SIGLEC1: variants seen among roughly 807,000 people sequenced by gnomAD.
SIGLEC1 encodes the protein sialic acid binding Ig like lectin 1.
A neutral mutation model predicts 148.0 loss-of-function variants in SIGLEC1; 132 were observed. The ratio of observed to expected loss-of-function variants is 0.89; its 90% confidence interval spans 0.77 to 1.03. The LOEUF is 1.03. Among genes scored for constraint, SIGLEC1 ranks in the 50% least tolerant of loss-of-function variants. The probability of loss-of-function intolerance (pLI) is 0.00; values close to 1 mark genes in which losing one functional copy is unlikely to be tolerated. For missense variants in SIGLEC1, 2,253 were observed against 2,271.4 expected (o/e 0.99, Z 0.16); for synonymous variants, 945 against 969.0 (o/e 0.98, Z 0.46).
At chr20:3,697,385 C>G (rs1289586100) in intron 9 of SIGLEC1, 43 bp from the exon 10 acceptor site, 1 of 1,607,486 alleles carries the variant, frequency 6.2e-7, no homozygotes, top group South Asian at 1.1e-5. Context: ...CCCCGGCCCC[C>G]AGGAGCCAGG....
At chr20:3,689,900 T>G in intron 19 of SIGLEC1, 62 bp downstream of exon 19, 3 of 1,427,864 alleles carry the variant, frequency 2.1e-6, no homozygotes, top group Non-Finnish European at 2.9e-6. Flanking sequence ...AAGGAAGCCT[T>G]TGGGCCTAAG....
At position 3,693,700 on chromosome 20, in the gene SIGLEC1, T is replaced by C. The variant is rs1408225715; in HGVS notation, c.3257-2A>G. 1 of 1,572,084 alleles carries C rather than the reference T, an allele frequency of 6.4e-7. No homozygotes were observed. The highest frequency in any genetic ancestry group is 8.7e-7 in the Non-Finnish European group (1 of 1,155,938). On this transcript the variant is annotated splice_acceptor_variant, in intron 13 of 21. Coordinates refer to ENST00000344754, the MANE Select transcript of SIGLEC1 (RefSeq NM_023068.4). LOFTEE classifies it high-confidence loss of function. Reference sequence around the variant, plus strand: ...CGGGCCACACCTGCACATTCACAGCTGGGGAGAGGGAGGGCACAGGACACC... The same window carrying C: ...CGGGCCACACCTGCACATTCACAGCCGGGGAGAGGGAGGGCACAGGACACC...
chr20:3,697,962 C>T lies in SIGLEC1; in HGVS notation c.1958G>A (p.Cys653Tyr). 1 of 1,612,002 alleles carries T rather than the reference C, an allele frequency of 6.2e-7. No individual in the cohort carries two copies. Among genetic ancestry groups the T allele is most frequent in the East Asian group, 2.2e-5 (1 of 44,864 alleles). ...VATSLPSGGGCSTCGGCSPRM... is the reference protein window; with the variant it reads ...VATSLPSGGGYSTCGGCSPRM... Reference sequence around the variant, plus strand: ...TGGGGAACAGCCCCCACAGGTGCTGCAGCCACCCCCTGATGGCAGGGAAGT... The same window carrying T: ...TGGGGAACAGCCCCCACAGGTGCTGTAGCCACCCCCTGATGGCAGGGAAGT... Residue 653 changes from cysteine to tyrosine, a missense_variant, in exon 9 of 22, where the codon TGC (cysteine) becomes TAC (tyrosine). Coordinates refer to ENST00000344754, the MANE Select transcript of SIGLEC1 (RefSeq NM_023068.4).
Position 3,698,067 on chromosome 20 carries a change from C to T in SIGLEC1, c.1853G>A (p.Arg618Gln), listed in dbSNP as rs752373927. ...CACACGGCACAAAAGGAGGCCTCGC[C>T]GTCCAGCCCCGGCCCCAGCGGCATC... is the stretch of plus-strand genomic sequence containing the variant. The part of the protein sequence containing the change: ...DLDAAGAGAG[R>Q]RGLLLCRVDS... The change falls in exon 9 of 22, where the codon CGG becomes CAG. Residue 618 changes from arginine to glutamine, a missense_variant. Arg to Gln is a conservative substitution (Grantham distance 43). Transcript: ENST00000344754. 9.3e-6 allele frequency: 15 copies of T among 1,604,508 alleles called. No individual in the cohort carries two copies. Among genetic ancestry groups the T allele is most frequent in the South Asian group, 4.5e-5 (4 of 89,744 alleles).
In SIGLEC1 at chr20:3,691,532, G is replaced by A; in HGVS notation, c.4399C>T (p.Leu1467Phe). ...CCCACAGGCCCAGGGCCACCCAGGA[G>A]GCGGCAGCTGAGGTTCAGGGCAGCG... is the stretch of plus-strand genomic sequence containing the variant. ...EGAALNLSCR[L>F]LGGPGPVGNS... Residue 1467 changes from leucine (L) to phenylalanine (F), a missense_variant, in exon 18 of 22, where the codon CTC becomes TTC. Coordinates refer to ENST00000344754, the MANE Select transcript of SIGLEC1 (RefSeq NM_023068.4). The A allele has an allele frequency of 1.2e-6, 2 of 1,613,234 alleles. No homozygotes were observed. Among genetic ancestry groups the A allele is most frequent in the Non-Finnish European group, 8.5e-7 (1 of 1,180,002 alleles).
At chr20:3,700,697 C>CTTTT (rs71195856) in intron 7 of SIGLEC1, among the ~76,000 whole-genome samples, 3 of 119,886 alleles carry the variant, frequency 2.5e-5, no homozygotes, top group Non-Finnish European at 3.4e-5. Context: ...TTTTCTTTTT[C>CTTTT]TTTTTTTTTT....
rs940099745 is a variant in SIGLEC1 at position 3,688,204 on chromosome 20, T to C, written c.*356A>G. On this transcript the variant is annotated 3_prime_UTR_variant, in exon 22 of 22. Coordinates refer to ENST00000344754, the MANE Select transcript of SIGLEC1 (RefSeq NM_023068.4). ...GAATGCCTTGGTGAGCCTCTGAGGA[T>C]GCAGGATGCTGCAATCCAACCAAAG... 3 of 349,348 alleles carry C rather than the reference T, an allele frequency of 8.6e-6. No homozygotes were observed. The highest frequency in any genetic ancestry group is 1.6e-5 in the Non-Finnish European group (3 of 182,034). 21.6% of individuals were successfully genotyped at this position (349,348 alleles called of 1,614,324 possible). A position where few individuals can be genotyped will look rare whatever the true frequency, so the allele number is the denominator to read the frequency against.
chr20:3,706,247 G>A (rs1207081396), intron 3 of SIGLEC1, 100 bp downstream of exon 3: 3 of 1,476,372 alleles, frequency 2.0e-6, no homozygotes, highest in African/African-American at 1.4e-5. Flanking sequence ...GAGACTGGCT[G>A]GGGTTAGATT....
At chr20:3,693,875 G>C (rs948584537) in intron 13 of SIGLEC1, among the ~76,000 whole-genome samples, 177 bp from the exon 14 acceptor site, 2 of 152,166 alleles carry the variant, frequency 1.3e-5, no homozygotes, top group Non-Finnish European at 2.9e-5. Context: ...TAGCCCACTG[G>C]CTCCTGAGTG....
At chr20:3,697,478 A>C (rs2087812627) in intron 9 of SIGLEC1, 136 bp from the exon 10 acceptor site, 50 of 1,093,112 alleles carry the variant, frequency 4.6e-5, no homozygotes, top group African/African-American at 6.3e-5. Flanking sequence ...AAGCTAGCTC[A>C]CAGGGCAGCC....
At chr20:3,705,282 C>A (rs2087884028) in intron 4 of SIGLEC1, among the ~76,000 whole-genome samples, 1 of 152,220 alleles carries the variant, frequency 6.6e-6, no homozygotes, top group Non-Finnish European at 1.5e-5. Flanking sequence ...CAGGCATAAG[C>A]CACCGCGCCC....
chr20:3,704,154 C>G, intron 4 of SIGLEC1, 63 bp from the exon 5 acceptor site: 4 of 1,472,006 alleles, frequency 2.7e-6, no homozygotes, highest in Non-Finnish European at 3.7e-6. Flanking sequence ...TGGCACACTT[C>G]TTCTTGCCCC....
In SIGLEC1 at chr20:3,698,098, C is replaced by T; in HGVS notation, c.1822G>A (p.Asp608Asn). The change falls in exon 9 of 22, where the codon GAC becomes AAC. Residue 608 changes from aspartate to asparagine, a missense_variant. Physicochemically the swap from Asp to Asn is conservative, Grantham distance 23. Coordinates refer to ENST00000344754, the MANE Select transcript of SIGLEC1 (RefSeq NM_023068.4). ...PRQPTFTTRL[D>N]LDAAGAGAGR... ...GCCCCGGCCCCAGCGGCATCAAGGTCCAGCCTGGTGGTGAATGTTGGTTGT... is the reference window on the plus strand; with the variant it reads ...GCCCCGGCCCCAGCGGCATCAAGGTTCAGCCTGGTGGTGAATGTTGGTTGT... The T allele has an allele frequency of 1.2e-6, 2 of 1,606,214 alleles. No homozygotes were observed. Among genetic ancestry groups the T allele is most frequent in the African/African-American group, 1.3e-5 (1 of 74,662 alleles).
intron 11 of SIGLEC1, 134 bp from the exon 12 acceptor site, chr20:3,695,057 C>T (rs1032693701): frequency 7.7e-5 from 69 of 893,014 alleles, no homozygotes; most frequent in Non-Finnish European, 6.5e-5. Flanking sequence ...AGACCACCGC[C>T]AGGGCCCACT....
At position 3,688,108 on chromosome 20, in the gene SIGLEC1, A is replaced by AGAGAGAGCGAGATCAGCTCAGTGCTC; in HGVS notation, c.*451_*452insGAGCACTGAGCTGATCTCGCTCTCTC. The AGAGAGAGCGAGATCAGCTCAGTGCTC allele has an allele frequency of 1.0e-5, 2 of 191,052 alleles. No individual in the cohort carries two copies. The highest frequency in any genetic ancestry group is 1.8e-4 in the South Asian group (2 of 11,034). The allele number at this position is 191,052 out of a possible 1,614,324, so 11.8% of individuals were successfully genotyped here. A position where few individuals can be genotyped will look rare whatever the true frequency, so the allele number is the denominator to read the frequency against. On this transcript the variant is annotated 3_prime_UTR_variant, in exon 22 of 22. Transcript: ENST00000344754. ...GACTAGCGTGGGAGAGAAAAATAAA[A>AGAGAGAGCGAGATCAGCTCAGTGCTC]TTCTATCATGTTGAAGTCACTGTAT...
chr20:3,688,185 C>G lies in SIGLEC1; in HGVS notation c.*375G>C. On this transcript the variant is annotated 3_prime_UTR_variant, in exon 22 of 22. Coordinates refer to ENST00000344754, the MANE Select transcript of SIGLEC1 (RefSeq NM_023068.4). Reference sequence around the variant, plus strand: ...TGATACTCTGTTGAATACAGAATGCCTTGGTGAGCCTCTGAGGATGCAGGA... The same window carrying G: ...TGATACTCTGTTGAATACAGAATGCGTTGGTGAGCCTCTGAGGATGCAGGA... 3.1e-6 allele frequency: 1 copy of G among 327,148 alleles called. No homozygotes were observed. Among genetic ancestry groups the G allele is most frequent in the Non-Finnish European group, 5.9e-6 (1 of 169,808 alleles). 20.3% of individuals were successfully genotyped at this position (327,148 alleles called of 1,614,324 possible).
chr20:3,703,569 C>T, intron 5 of SIGLEC1, 118 bp from the exon 6 acceptor site: 1 of 1,330,786 alleles, frequency 7.5e-7, no homozygotes, highest in Admixed American at 2.6e-5. Flanking sequence ...CACCACCCGC[C>T]TGCTGCTACA....
chr20:3,688,331 G>A lies in SIGLEC1; in HGVS notation c.*229C>T. The A allele has an allele frequency of 1.8e-6, 1 of 558,972 alleles. No homozygotes were observed. The highest frequency in any genetic ancestry group is 3.2e-5 in the East Asian group (1 of 31,178). The allele number at this position is 558,972 out of a possible 1,614,324, so 34.6% of individuals were successfully genotyped here. A position where few individuals can be genotyped will look rare whatever the true frequency, so the allele number is the denominator to read the frequency against. On this transcript the variant is annotated 3_prime_UTR_variant, in exon 22 of 22. Coordinates refer to ENST00000344754, the MANE Select transcript of SIGLEC1 (RefSeq NM_023068.4). ...ATCCAGAGAAGAGAGAGCGAGATCA[G>A]CTCAGTGCTCTTCAGTGTCCTCCAG...
In SIGLEC1 at chr20:3,694,937, C is replaced by G; in HGVS notation, c.2684-14G>C. The stretch of plus-strand genomic sequence containing the variant: ...GGACCCAGGCTCCTGCAGGGGAAAA[C>G]CAAGAGCAGGTGAGGGCTCTCCACC... On this transcript the variant is annotated splice_polypyrimidine_tract_variant and intron_variant, in intron 11 of 21. Coordinates refer to ENST00000344754, the MANE Select transcript of SIGLEC1 (RefSeq NM_023068.4). The G allele has an allele frequency of 6.2e-7, 1 of 1,605,768 alleles. No homozygotes were observed. Among genetic ancestry groups the G allele is most frequent in the Non-Finnish European group, 8.5e-7 (1 of 1,176,336 alleles).
Sources: gnomAD v4.1 joint callset for allele counts (sites outside exome capture counted in the v4.1 genomes callset) on GRCh38, gnomAD v4.1.1 for gene constraint, MANE v1.5 for transcripts, NCBI Gene and HGNC (gene_info 2026-07-23, HGNC 2026-07-21) for gene names.